PTPRG: variants seen among roughly 807,000 people sequenced by gnomAD.
The protein encoded by PTPRG is protein tyrosine phosphatase receptor type G, also known as receptor-type tyrosine-protein phosphatase gamma.
A neutral mutation model predicts 165.3 loss-of-function variants in PTPRG; 102 were observed. The ratio of observed to expected loss-of-function variants is 0.62; its 90% CI spans 0.53 to 0.73. PTPRG has a LOEUF of 0.73. Ranked by LOEUF, PTPRG falls within the 30% of genes least tolerant of loss-of-function variation. The pLI is 0.00. For synonymous variants in PTPRG, 675 were observed against 669.5 expected (o/e 1.01, Z -0.13); for missense variants, 1,866 against 1,861.4 (o/e 1.00, Z -0.05).
chr3:61,684,603 T>C (rs1053966332), intron 1 of PTPRG, among the ~76,000 whole-genome samples: 3 of 152,110 alleles, frequency 2.0e-5, no homozygotes, highest in Non-Finnish European at 4.4e-5. Context: ...GGAAGTCCAT[T>C]ACCCAAGGCT....
At chr3:61,756,814 T>C (rs2033650262) in intron 2 of PTPRG, among the ~76,000 whole-genome samples, 3 of 152,206 alleles carry the variant, frequency 2.0e-5, no homozygotes, top group Non-Finnish European at 4.4e-5. Flanking sequence ...CAATTGTTGC[T>C]GTGATGGGGT....
chr3:62,152,205 A>AT (rs79099891), intron 6 of PTPRG, among the ~76,000 whole-genome samples: 4,225 of 144,584 alleles, frequency 0.029, 156 homozygotes, highest in African/African-American at 0.094. Flanking sequence ...ATGTCTACTA[A>AT]TTTTTTTTTT....
chr3:61,990,424 A>G (rs2040856535), intron 3 of PTPRG, among the ~76,000 whole-genome samples: 1 of 152,240 alleles, frequency 6.6e-6, no homozygotes, highest in South Asian at 2.1e-4. Context: ...TGTGTATCAG[A>G]CCAGCAATTC....
Position 62,219,932 on chromosome 3 carries a change from G to A in PTPRG, c.2288+949G>A, listed in dbSNP as rs1178800524. Among the ~76,000 whole-genome samples the A allele has an allele frequency of 6.6e-6, 1 of 152,274 alleles. No individual in the cohort carries two copies. The highest frequency in any genetic ancestry group is 1.5e-5 in the Non-Finnish European group (1 of 68,038). On this transcript the variant is annotated intron_variant, in intron 13 of 29. Transcript: ENST00000474889. This position sits in a 1 kb window ranked among gnomAD's most constrained non-coding sequence, Gnocchi z 4.5. ...CTAAGATGGTGGTAACTGGATAATG[G>A]AGAAAGCTTAAATCTGGAAAGGGGA... is the stretch of plus-strand genomic sequence containing the variant.
At chr3:61,942,003 AC>A (rs1296656383) in intron 2 of PTPRG, among the ~76,000 whole-genome samples, 1 of 151,860 alleles carries the variant, frequency 6.6e-6, no homozygotes, top group Non-Finnish European at 1.5e-5. Flanking sequence ...TACTAAAAAT[AC>A]AAAAAATTAG....
At chr3:61,576,030 A>T (rs895252256) in intron 1 of PTPRG, among the ~76,000 whole-genome samples, 1 of 152,224 alleles carries the variant, frequency 6.6e-6, no homozygotes, top group Non-Finnish European at 1.5e-5. Context: ...TGTTGTGAAG[A>T]CATGGGAGAG....
intron 4 of PTPRG, among the ~76,000 whole-genome samples, 178 bp downstream of exon 4, chr3:62,003,675 T>C (rs1456777198): frequency 6.6e-6 from 1 of 152,220 alleles, no homozygotes; most frequent in East Asian, 1.9e-4. Flanking sequence ...TTTCTCACCT[T>C]TGTTTAACTG....
At position 61,767,239 on chromosome 3, in the gene PTPRG, T is replaced by TGGAAAAA. The variant is rs1371380259; in HGVS notation, c.190+18257_190+18258insGGAAAAA. Among the ~76,000 whole-genome samples the TGGAAAAA allele has an allele frequency of 2.5e-3, 186 of 73,082 alleles. 4 individuals are homozygous for TGGAAAAA. Among genetic ancestry groups the TGGAAAAA allele is most frequent in the African/African-American group, 8.5e-3 (174 of 20,562 alleles). The allele number at this position is 73,082 out of a possible 152,430, so 47.9% of individuals were successfully genotyped here. On this transcript the variant is annotated intron_variant, in intron 2 of 29. Transcript: ENST00000474889. ...AGCCTTGTGACAGCAAGATTCCATC[T>TGGAAAAA]CAAAAAAAAAAAAAAAAAGAAAGTA...
intron 5 of PTPRG, chr3:62,124,317 C>G: frequency 1.2e-6 from 2 of 1,608,784 alleles, no homozygotes; most frequent in Non-Finnish European, 1.7e-6. Context: ...ATCCTGGATG[C>G]CTGGTTCTGC....
chr3:61,949,466 A>T (rs1389862155), intron 2 of PTPRG, among the ~76,000 whole-genome samples: 1 of 152,184 alleles, frequency 6.6e-6, no homozygotes, highest in Non-Finnish European at 1.5e-5. Flanking sequence ...AGAAACCACA[A>T]TTGAAGTGAG....
chr3:61,870,391 C>T (rs2037532372), intron 2 of PTPRG, among the ~76,000 whole-genome samples: 1 of 147,904 alleles, frequency 6.8e-6, no homozygotes, highest in Non-Finnish European at 1.5e-5. Flanking sequence ...AGCTCCAGTG[C>T]AGCCTCCACC....
At chr3:62,084,075 A>C (rs1272381786) in intron 5 of PTPRG, among the ~76,000 whole-genome samples, 1 of 152,216 alleles carries the variant, frequency 6.6e-6, no homozygotes, top group African/African-American at 2.4e-5. Context: ...GAGCATCTAC[A>C]TTAAGAAACG....
intron 4 of PTPRG, among the ~76,000 whole-genome samples, chr3:62,071,034 T>C (rs1203259620): frequency 2.6e-5 from 4 of 152,232 alleles, no homozygotes; most frequent in Non-Finnish European, 5.9e-5. Flanking sequence ...GTTGCCTTTT[T>C]GGTTACCCTC....
intron 2 of PTPRG, among the ~76,000 whole-genome samples, chr3:61,864,165 C>G (rs1045757624): frequency 6.6e-6 from 1 of 152,176 alleles, no homozygotes; most frequent in African/African-American, 2.4e-5. Flanking sequence ...CCTTCAAAAT[C>G]CTCTCTTTGA....
chr3:61,836,801 A>G (rs1334102493), intron 2 of PTPRG, among the ~76,000 whole-genome samples: 6 of 151,998 alleles, frequency 3.9e-5, no homozygotes, highest in Non-Finnish European at 5.9e-5. Context: ...CTGGAGTGCA[A>G]TGGCACAATC....
At chr3:61,906,370 C>G (rs961413893) in intron 2 of PTPRG, among the ~76,000 whole-genome samples, 2 of 151,562 alleles carry the variant, frequency 1.3e-5, no homozygotes, top group African/African-American at 4.9e-5. Flanking sequence ...GCAGGAGAAT[C>G]ATGTGAACTG....
chr3:61,638,584 C>T (rs2106946913), intron 1 of PTPRG, among the ~76,000 whole-genome samples: 1 of 126,690 alleles, frequency 7.9e-6, no homozygotes, highest in Middle Eastern at 4.6e-3. Context: ...ACCACCATGC[C>T]TGGCTAGTTT....
At chr3:62,267,278 G>T in intron 17 of PTPRG, 132 bp from the exon 18 acceptor site, 2 of 664,844 alleles carry the variant, frequency 3.0e-6, no homozygotes, top group East Asian at 5.3e-5. Flanking sequence ...CTATTTAGTT[G>T]TTCTGCCAAA....
chr3:61,813,014 G>C (rs1575684419), intron 2 of PTPRG, among the ~76,000 whole-genome samples: 1 of 152,148 alleles, frequency 6.6e-6, no homozygotes, highest in Non-Finnish European at 1.5e-5. Context: ...TACTTGTGTA[G>C]ATCACCTGAA....
Sources: allele counts gnomAD v4.1 joint callset (sites outside exome capture counted in the v4.1 genomes callset), GRCh38; gene constraint gnomAD v4.1.1; non-coding constraint Gnocchi (gnomAD v3.1); transcripts MANE v1.5; gene names NCBI Gene and HGNC (gene_info 2026-07-23, HGNC 2026-07-21).